FOXM1: variants seen among roughly 807,000 people sequenced by gnomAD.
FOXM1 encodes the protein forkhead box M1, also known as forkhead box protein M1.
A neutral mutation model predicts 63.6 loss-of-function variants in FOXM1; 25 were observed. The ratio of observed to expected loss-of-function variants is 0.39; its 90% CI spans 0.29 to 0.55. The LOEUF is 0.55. FOXM1 is among the 20% of genes least tolerant of loss of function. FOXM1 has a pLI of 0.60. For missense variants in FOXM1, 879 were observed against 958.7 expected (o/e 0.92, Z 1.10); for synonymous variants, 387 against 376.9 (o/e 1.03, Z -0.31).
chr12:2,861,307 A>G (rs2098112428), intron 8 of FOXM1: 1 of 732,388 alleles, frequency 1.4e-6, no homozygotes, highest in African/African-American at 1.8e-5. Context: ...ACTGATAAAC[A>G]AAGAAAGATA....
rs1326941491 is a variant in FOXM1, at chr12:2,877,144, C to A, written c.-272G>T. 6.6e-6 allele frequency: 1 copy of A among 152,170 alleles called. No individual in the cohort carries two copies. Among genetic ancestry groups the A allele is most frequent in the African/African-American group, 2.4e-5 (1 of 41,436 alleles). The allele number at this position is 152,170 out of a possible 1,614,324, so 9.4% of individuals were successfully genotyped here. A position where few individuals can be genotyped will look rare whatever the true frequency, so the allele number is the denominator to read the frequency against. ...TGGCACCGGAGCTTTCAGTTTGTTC[C>A]GCTGTTTGAAATTGGCGCCGGCGGA... On this transcript the variant is annotated 5_prime_UTR_variant, in exon 1 of 9. Coordinates refer to ENST00000359843, the MANE Select transcript of FOXM1 (RefSeq NM_021953.4).
At chr12:2,860,512 G>T (rs558693259) in intron 8 of FOXM1, among the ~76,000 whole-genome samples, 172 of 152,148 alleles carry the variant, frequency 1.1e-3, no homozygotes, top group South Asian at 2.1e-3. Context: ...GGAAAGTAAA[G>T]AGATAAACAA....
At chr12:2,863,266 G>C (rs1352092976) in intron 8 of FOXM1, among the ~76,000 whole-genome samples, 1 of 152,194 alleles carries the variant, frequency 6.6e-6, no homozygotes, top group Non-Finnish European at 1.5e-5. Context: ...AATAGTACTT[G>C]AGAAACCCTG....
At chr12:2,871,537 A>T (rs183663943) in intron 3 of FOXM1, among the ~76,000 whole-genome samples, 1 of 152,108 alleles carries the variant, frequency 6.6e-6, no homozygotes, top group Non-Finnish European at 1.5e-5. Context: ...GGCAAGTCCC[A>T]GCTACTTGGA....
At position 2,859,184 on chromosome 12, in the gene FOXM1, AGAG is replaced by A; in HGVS notation, c.1743_1745del (p.Ser582del). On this transcript the variant is annotated inframe_deletion, in exon 9 of 9. Transcript: ENST00000359843. ...AGTAGCTGAGCTGGGAGGCAGGGTC[AGAG>A]GAGTCTGCTGGGAACGGGAGCTCTG... The A allele has an allele frequency of 1.2e-6, 2 of 1,610,414 alleles. No homozygotes were observed. The highest frequency in any genetic ancestry group is 2.2e-5 in the South Asian group (2 of 91,022).
At position 2,864,771 on chromosome 12, in the gene FOXM1, G is replaced by A. The variant is rs759541711; in HGVS notation, c.1021-19C>T. 2.5e-6 allele frequency: 4 copies of A among 1,613,866 alleles called. No individual in the cohort carries two copies. In the South Asian group the frequency reaches 3.3e-5, roughly 13 times the overall value. ...TCTGCTGCTGCTTGTGGCAGATGGG[G>A]AGAGAAAGAAACCTATGTTAACACA... On this transcript the variant is annotated intron_variant, in intron 6 of 8. Coordinates refer to ENST00000359843, the MANE Select transcript of FOXM1 (RefSeq NM_021953.4). The surrounding 1 kb of genome is among the most constrained non-coding windows in gnomAD (Gnocchi z 5.1).
At chr12:2,863,302 T>TG in intron 8 of FOXM1, among the ~76,000 whole-genome samples, 1 of 152,354 alleles carries the variant, frequency 6.6e-6, no homozygotes, top group East Asian at 1.9e-4. Flanking sequence ...GTCACTTTAC[T>TG]ACTGCCAGGT....
chr12:2,858,957 T>C lies in FOXM1; in HGVS notation c.1973A>G (p.Asp658Gly), dbSNP rs764617916. The C allele has an allele frequency of 3.1e-6, 5 of 1,613,268 alleles. No homozygotes were observed. Among genetic ancestry groups the C allele is most frequent in the Non-Finnish European group, 3.4e-6 (4 of 1,179,868 alleles). The change falls in exon 9 of 9, where the codon GAT becomes GGT. Residue 658 changes from aspartate (D) to glycine (G), a missense_variant. Asp to Gly is a moderately conservative substitution (Grantham distance 94). Around this residue, in one of 4 missense-constraint regions of FOXM1, gnomAD observed 486 missense variants for 453.5 expected, o/e 1.07. Transcript: ENST00000359843. Reference sequence around the variant, plus strand: ...ACTTTGCAAGGGAGTGGTGCTGAGATCCATCAGCCCCAGGGGGTCAGGCAA... The same window carrying C: ...ACTTTGCAAGGGAGTGGTGCTGAGACCCATCAGCCCCAGGGGGTCAGGCAA... ...DPLPDPLGLM[D>G]LSTTPLQSAP...
In FOXM1 at chr12:2,864,599, G is replaced by A. The variant is rs753917364; in HGVS notation, c.1090+84C>T. 135 of 1,585,850 alleles carry A rather than the reference G, an allele frequency of 8.5e-5. No homozygotes were observed. The highest frequency in any genetic ancestry group is 1.1e-4 in the Non-Finnish European group (129 of 1,155,260). ...CTCTGGGCTCAGATCCCTTTGAGGT[G>A]GGAACAGAATCCCAGAGTCTGGTTC... On this transcript the variant is annotated intron_variant, in intron 7 of 8. Coordinates refer to ENST00000359843, the MANE Select transcript of FOXM1 (RefSeq NM_021953.4). The surrounding 1 kb of genome is among the most constrained non-coding windows in gnomAD (Gnocchi z 5.1).
At position 2,874,660 on chromosome 12, in the gene FOXM1, GTA is replaced by G; in HGVS notation, c.-47-137_-47-136del. 1 of 630,894 alleles carries G rather than the reference GTA, an allele frequency of 1.6e-6. No homozygotes were observed. Among genetic ancestry groups the G allele is most frequent in the Non-Finnish European group, 2.7e-6 (1 of 364,666 alleles). The allele number at this position is 630,894 out of a possible 1,614,324, so 39.1% of individuals were successfully genotyped here. ...CCAGGTAAACATTCCATGGACTTTT[GTA>G]AAGACCTCAGATAATAAGGAGATAA... On this transcript the variant is annotated intron_variant, in intron 1 of 8. Transcript: ENST00000359843. This position sits in a 1 kb window ranked among gnomAD's most constrained non-coding sequence, Gnocchi z 4.3.
In FOXM1 at chr12:2,864,150, T is replaced by C. The variant is rs1603500266; in HGVS notation, c.1266+170A>G. ...GACACCACTTACATTGTAATCCAAA[T>C]ACCTTTTTAGCTCTTCTAATGCTAT... On this transcript the variant is annotated intron_variant, in intron 8 of 8. Transcript: ENST00000359843. The surrounding 1 kb of genome is among the most constrained non-coding windows in gnomAD (Gnocchi z 5.1). 4 of 637,806 alleles carry C rather than the reference T, an allele frequency of 6.3e-6. No individual in the cohort carries two copies. The East Asian group carries it at 1.0e-4, about 16-fold the overall frequency. 39.5% of individuals were successfully genotyped at this position (637,806 alleles called of 1,614,324 possible). A position where few individuals can be genotyped will look rare whatever the true frequency, so the allele number is the denominator to read the frequency against.
At chr12:2,873,871 C>T in intron 2 of FOXM1, 106 bp downstream of exon 2, 1 of 1,323,510 alleles carries the variant, frequency 7.6e-7, no homozygotes, top group Non-Finnish European at 1.0e-6. Context: ...AGCCACTGTG[C>T]TCGGCCAGAA....
At chr12:2,867,148 G>A (rs897756041) in intron 4 of FOXM1, among the ~76,000 whole-genome samples, 3 of 150,270 alleles carry the variant, frequency 2.0e-5, no homozygotes, top group Admixed American at 6.6e-5. Context: ...GTGAGGCCCC[G>A]TCTCAAACAA....
intron 4 of FOXM1, among the ~76,000 whole-genome samples, chr12:2,868,055 G>A (rs1011268379): frequency 3.3e-5 from 5 of 151,306 alleles, no homozygotes; most frequent in East Asian, 3.9e-4. Context: ...TTGAGCACCC[G>A]TCAGAAGACC....
In FOXM1 at chr12:2,858,796, G is replaced by C; in HGVS notation, c.2134C>G (p.Leu712Val). ...PGSPEPQVSG[L>V]AANRSLTEGL... ...TCTGTCAGAGAACGATTGGCTGCAA[G>C]GCCAGAAACCTGTGGCTCCGGGGAG... Residue 712 changes from leucine to valine, a missense_variant, in exon 9 of 9, where the codon CTT (leucine) becomes GTT (valine). Physicochemically the swap from Leu to Val is conservative, Grantham distance 32 (BLOSUM62 1). Transcript: ENST00000359843. The C allele has an allele frequency of 6.2e-7, 1 of 1,614,208 alleles. No individual in the cohort carries two copies. The highest frequency in any genetic ancestry group is 8.5e-7 in the Non-Finnish European group (1 of 1,180,036).
In FOXM1 at chr12:2,864,221, T is replaced by C; in HGVS notation, c.1266+99A>G. ...TGCCTTTTCTACCCAACTAGATTTATAAGCTCTCAAGGAACACTTATCAGA... is the reference window on the plus strand; with the variant it reads ...TGCCTTTTCTACCCAACTAGATTTACAAGCTCTCAAGGAACACTTATCAGA... On this transcript the variant is annotated intron_variant, in intron 8 of 8. Coordinates refer to ENST00000359843, the MANE Select transcript of FOXM1 (RefSeq NM_021953.4). This position sits in a 1 kb window ranked among gnomAD's most constrained non-coding sequence, Gnocchi z 5.1. 9.3e-7 allele frequency: 1 copy of C among 1,076,402 alleles called. No homozygotes were observed. The highest frequency in any genetic ancestry group is 1.4e-6 in the Non-Finnish European group (1 of 740,226). The allele number at this position is 1,076,402 out of a possible 1,614,324, so 66.7% of individuals were successfully genotyped here.
Position 2,858,808 on chromosome 12 carries a change from GTGGCTCC to G in FOXM1, c.2115_2121del (p.Glu706ArgfsTer11). On this transcript the variant is annotated frameshift_variant, in exon 9 of 9. Coordinates refer to ENST00000359843, the MANE Select transcript of FOXM1 (RefSeq NM_021953.4). LOFTEE classifies it high-confidence loss of function. ...CGATTGGCTGCAAGGCCAGAAACCT[GTGGCTCC>G]GGGGAGCCTGGCTTGGGGACGTCTA... 2 of 1,614,210 alleles carry G rather than the reference GTGGCTCC, an allele frequency of 1.2e-6. No individual in the cohort carries two copies. The highest frequency in any genetic ancestry group is 1.7e-6 in the Non-Finnish European group (2 of 1,180,028).
In FOXM1 at chr12:2,872,655, G is replaced by C. The variant is rs2098135155; in HGVS notation, c.503-408C>G. Among the ~76,000 whole-genome samples, 1 of 152,094 alleles carries C rather than the reference G, an allele frequency of 6.6e-6. No homozygotes were observed. The highest frequency in any genetic ancestry group is 1.5e-5 in the Non-Finnish European group (1 of 68,018). Reference sequence around the variant, plus strand: ...TGGTGGCTAGGGATCACTTGTCCAAGACCTCTGCCTTTAGGGACGGAGAAC... The same window carrying C: ...TGGTGGCTAGGGATCACTTGTCCAACACCTCTGCCTTTAGGGACGGAGAAC... On this transcript the variant is annotated intron_variant, in intron 2 of 8. Coordinates refer to ENST00000359843, the MANE Select transcript of FOXM1 (RefSeq NM_021953.4). This position sits in a 1 kb window ranked among gnomAD's most constrained non-coding sequence, Gnocchi z 4.0.
rs1247978596 is a variant in FOXM1 at position 2,864,042 on chromosome 12, T to C, written c.1266+278A>G. The C allele has an allele frequency of 2.9e-6, 1 of 342,084 alleles. No individual in the cohort carries two copies. The highest frequency in any genetic ancestry group is 2.1e-5 in the African/African-American group (1 of 48,282). 21.2% of individuals were successfully genotyped at this position (342,084 alleles called of 1,614,324 possible). On this transcript the variant is annotated intron_variant, in intron 8 of 8. Coordinates refer to ENST00000359843, the MANE Select transcript of FOXM1 (RefSeq NM_021953.4). This position sits in a 1 kb window ranked among gnomAD's most constrained non-coding sequence, Gnocchi z 5.1. Reference sequence around the variant, plus strand: ...TTCTAAGGCCTGCCTCCCTTGTGTATCTTCCTTAATAATCCTAGCCCATCT... The same window carrying C: ...TTCTAAGGCCTGCCTCCCTTGTGTACCTTCCTTAATAATCCTAGCCCATCT...
Sources: gnomAD v4.1 joint callset for allele counts (sites outside exome capture counted in the v4.1 genomes callset) on GRCh38, gnomAD v4.1.1 for gene constraint, gnomAD v4.1.1 regional missense constraint, Gnocchi (gnomAD v3.1) non-coding constraint, MANE v1.5 for transcripts, NCBI Gene and HGNC (gene_info 2026-07-23, HGNC 2026-07-21) for gene names.